Variants in RAD51AP2 observed in about 807,000 individuals in gnomAD.
RAD51AP2 encodes RAD51-associated protein 2.
In RAD51AP2, 67 loss-of-function variants were observed where a neutral mutation model predicts 85.5. The ratio of observed to expected loss-of-function variants is 0.78; its 90% CI spans 0.64 to 0.96. The LOEUF is 0.96. Among genes scored for constraint, RAD51AP2 ranks in the 40% least tolerant of loss-of-function variants. The pLI is 0.00. For missense variants in RAD51AP2, 1,307 were observed against 1,332.4 expected, an observed-to-expected ratio of 0.98 and a Z score of 0.30; for synonymous variants, 474 against 446.5, an observed-to-expected ratio of 1.06 and a Z score of -0.78.
chr2:17,517,879 A>G lies in RAD51AP2; in HGVS notation c.537T>C (p.Phe179=), dbSNP rs1662741964. The G allele has an allele frequency of 1.2e-6, 2 of 1,614,178 alleles. No individual in the cohort carries two copies. Among genetic ancestry groups the G allele is most frequent in the South Asian group, 1.1e-5 (1 of 91,080 alleles). The stretch of plus-strand genomic sequence containing the variant: ...TGTGAACATTGTCTCTTCCTTGGAC[A>G]AACTGTTGTTTTCGATTCTCATTTC... The part of the protein sequence containing the change: ...GIRNENRKQQ[F]VQGRDNVHKE... Residue 179 remains phenylalanine (F), a synonymous_variant, in exon 1 of 3, where the codon TTT becomes TTC. Transcript: ENST00000399080.
the RAD51AP2 span, among the ~76,000 whole-genome samples, chr2:17,524,186 T>A: frequency 6.6e-6 from 1 of 151,990 alleles, no homozygotes; most frequent in African/African-American, 2.4e-5. Flanking sequence ...CTCTCACAAT[T>A]TGCCACACAA....
At chr2:17,518,571 A>G (rs1159593345), upstream of RAD51AP2, 7 of 818,482 alleles carry the variant, frequency 8.6e-6, no homozygotes, top group Non-Finnish European at 1.2e-5. Flanking sequence ...GCCCCTCCAC[A>G]GCCCCAGCCT....
intron 2 of RAD51AP2, among the ~76,000 whole-genome samples, chr2:17,512,407 G>A (rs1662518468): frequency 6.6e-6 from 1 of 152,168 alleles, no homozygotes; most frequent in African/African-American, 2.4e-5. Context: ...TGTACCCTTT[G>A]AAAGTGAATC....
At chr2:17,513,430 G>C (rs1216185518) in intron 2 of RAD51AP2, among the ~76,000 whole-genome samples, 2 of 151,832 alleles carry the variant, frequency 1.3e-5, no homozygotes, top group Non-Finnish European at 2.9e-5. Flanking sequence ...GTAGAAATGG[G>C]TTTTCACCGT....
rs1662726993 is a variant in RAD51AP2 at position 17,517,625 on chromosome 2, A to G, written c.791T>C (p.Met264Thr). Reference protein sequence around the residue: ...SGTISVPQFPMDLNSKMSSVY... With the variant: ...SGTISVPQFPTDLNSKMSSVY... ...AGAGGACATTTTGCTATTTAAGTCCATTGGAAACTGAGGGACACTTATTGT... is the reference window on the plus strand; with the variant it reads ...AGAGGACATTTTGCTATTTAAGTCCGTTGGAAACTGAGGGACACTTATTGT... Residue 264 changes from methionine (M) to threonine (T), a missense_variant, in exon 1 of 3, where the codon ATG becomes ACG. Met to Thr is a moderately conservative substitution (Grantham distance 81, BLOSUM62 -1). Transcript: ENST00000399080. The G allele has an allele frequency of 1.9e-6, 3 of 1,613,914 alleles. No individual in the cohort carries two copies. The highest frequency in any genetic ancestry group is 1.3e-5 in the African/African-American group (1 of 74,916).
Position 17,515,387 on chromosome 2 carries a change from T to G in RAD51AP2, c.3029A>C (p.Lys1010Thr). Residue 1010 changes from lysine to threonine, a missense_variant, in exon 1 of 3, where the codon AAA becomes ACA. By Grantham distance (78) the Lys-to-Thr change is moderately conservative. Around this residue, in one of 3 missense-constraint regions of RAD51AP2, gnomAD observed 668 missense variants for 671.0 expected, o/e 1.00. Transcript: ENST00000399080. ...TTTCAAATCTTTTTCTATCTCCATT[T>G]TTACCTTCTCAGCATCATTTTCTCC... ...YFGENDAEKV[K>T]MEIEKDLKMV... 1 of 1,612,182 alleles carries G rather than the reference T, an allele frequency of 6.2e-7. No individual in the cohort carries two copies. The highest frequency in any genetic ancestry group is 8.5e-7 in the Non-Finnish European group (1 of 1,179,502).
In RAD51AP2 at chr2:17,515,430, CA is replaced by C. The variant is rs773919178; in HGVS notation, c.2985del (p.Asn995LysfsTer15). 6.2e-7 allele frequency: 1 copy of C among 1,612,816 alleles called. No individual in the cohort carries two copies. The highest frequency in any genetic ancestry group is 8.5e-7 in the Non-Finnish European group (1 of 1,179,710). The part of the protein sequence containing the change: ...NELLSTVETN[N>X]GQENYFGEND... ...TTTTCTCCAAAGTAATTTTCTTGCC[CA>C]TTGTTTGTTTCCACAGTGCTTAGAA... On this transcript the variant is annotated frameshift_variant, in exon 1 of 3. Coordinates refer to ENST00000399080, the MANE Select transcript of RAD51AP2 (RefSeq NM_001099218.3). LOFTEE classifies it high-confidence loss of function.
At chr2:17,523,785 C>T in the RAD51AP2 span, among the ~76,000 whole-genome samples, 1 of 151,894 alleles carries the variant, frequency 6.6e-6, no homozygotes, top group Non-Finnish European at 1.5e-5. Flanking sequence ...TTTCAGAATG[C>T]ACATAGGTTC....
intron 2 of RAD51AP2, among the ~76,000 whole-genome samples, chr2:17,511,450 C>G (rs1353710490): frequency 6.6e-6 from 1 of 152,134 alleles, no homozygotes; most frequent in African/African-American, 2.4e-5. Context: ...TAACATTATA[C>G]TATATCATTT....
chr2:17,518,029 A>C lies in RAD51AP2; in HGVS notation c.387T>G (p.Ala129=), dbSNP rs1424415961. 4.3e-6 allele frequency: 7 copies of C among 1,614,062 alleles called. No homozygotes were observed. Among genetic ancestry groups the C allele is most frequent in the African/African-American group, 1.3e-5 (1 of 74,916 alleles). The change falls in exon 1 of 3, where the codon GCT becomes GCG. Residue 129 remains alanine, a synonymous_variant. Transcript: ENST00000399080. The stretch of plus-strand genomic sequence containing the variant: ...GCAGGCCTGCCTCAGACCTTCCTGA[A>C]GCCCTCAAATCAGAATCAGGACTTT... ...PSQSPDSDLR[A]SGRSEAGLHD...
the RAD51AP2 span, among the ~76,000 whole-genome samples, chr2:17,531,341 T>C: frequency 1.3e-5 from 2 of 152,154 alleles, no homozygotes; most frequent in Non-Finnish European, 2.9e-5. Context: ...TATTAAGATA[T>C]ATAACATATT....
At chr2:17,523,034 T>C (rs1352004979), upstream of RAD51AP2, among the ~76,000 whole-genome samples, 1 of 151,940 alleles carries the variant, frequency 6.6e-6, no homozygotes, top group Non-Finnish European at 1.5e-5. Flanking sequence ...TTTGAATCTA[T>C]AGTCCACTCA....
At chr2:17,520,057 CATTA>C (rs71402616), upstream of RAD51AP2, among the ~76,000 whole-genome samples, 2,370 of 152,204 alleles carry the variant, frequency 0.016, 30 homozygotes, top group Middle Eastern at 0.068. Flanking sequence ...TCCATCACAT[CATTA>C]TTTAACAACT....
chr2:17,532,637 A>G, the RAD51AP2 span, among the ~76,000 whole-genome samples: 1 of 152,160 alleles, frequency 6.6e-6, no homozygotes, highest in Non-Finnish European at 1.5e-5. Flanking sequence ...GGAACCATTG[A>G]CTTGTGGGCT....
At chr2:17,535,435 C>T in the RAD51AP2 span, among the ~76,000 whole-genome samples, 1 of 152,046 alleles carries the variant, frequency 6.6e-6, no homozygotes, top group African/African-American at 2.4e-5. Flanking sequence ...TGATTTTATT[C>T]AAGGAAGTGA....
chr2:17,522,088 GT>G (rs1258109848), upstream of RAD51AP2, among the ~76,000 whole-genome samples: 1 of 151,774 alleles, frequency 6.6e-6, no homozygotes, highest in African/African-American at 2.4e-5. Context: ...CATTACAAAA[GT>G]TTTTTTCTTA....
chr2:17,522,371 C>G (rs1401704), upstream of RAD51AP2, among the ~76,000 whole-genome samples: 25,874 of 151,958 alleles, frequency 0.17, 2,951 homozygotes, highest in Middle Eastern at 0.35. Context: ...GCAGGTCTTA[C>G]TTAGGAAAGT....
upstream of RAD51AP2, among the ~76,000 whole-genome samples, chr2:17,522,365 G>A (rs2103317396): frequency 6.6e-6 from 1 of 152,058 alleles, no homozygotes; most frequent in East Asian, 1.9e-4. Flanking sequence ...ATAGTGGCAG[G>A]TCTTACTTAG....
In RAD51AP2 at chr2:17,518,042, G is replaced by GA; in HGVS notation, c.373dup (p.Ser125PhefsTer2). On this transcript the variant is annotated frameshift_variant, in exon 1 of 3. Transcript: ENST00000399080. LOFTEE classifies it high-confidence loss of function. The stretch of plus-strand genomic sequence containing the variant: ...AGACCTTCCTGAAGCCCTCAAATCA[G>GA]AATCAGGACTTTGTGAGGGGGGAGA... The GA allele has an allele frequency of 6.2e-7, 1 of 1,614,162 alleles. No individual in the cohort carries two copies. Among genetic ancestry groups the GA allele is most frequent in the Non-Finnish European group, 8.5e-7 (1 of 1,180,038 alleles).
Sources: allele counts gnomAD v4.1 joint callset (sites outside exome capture counted in the v4.1 genomes callset), GRCh38; gene constraint gnomAD v4.1.1; regional missense constraint gnomAD v4.1.1; transcripts MANE v1.5; gene names NCBI Gene and HGNC (gene_info 2026-07-23, HGNC 2026-07-21).